DIDO1: variants seen among roughly 807,000 people sequenced by gnomAD.
DIDO1 encodes death inducer-obliterator 1, also known as death-inducer obliterator 1.
Under a neutral mutation model 99.4 loss-of-function variants are expected in DIDO1, and 16 were observed. That is an observed-to-expected ratio of 0.16 (90% CI 0.11 to 0.24). The LOEUF is 0.24. Ranked by LOEUF, DIDO1 falls within the 10% of genes least tolerant of loss-of-function variation. The pLI, the probability that DIDO1 is intolerant of heterozygous loss-of-function variation, is 1.00. For synonymous variants in DIDO1, 1,366 were observed against 1,239.1 expected, an observed-to-expected ratio of 1.10 and a Z score of -2.15; for missense variants, 2,996 against 3,014.0, an observed-to-expected ratio of 0.99 and a Z score of 0.14.
rs982716289 is a variant in DIDO1 at position 62,879,389 on chromosome 20, C to T, written c.6567G>A (p.Arg2189=). 18 of 1,544,218 alleles carry T rather than the reference C, an allele frequency of 1.2e-5. No homozygotes were observed. The highest frequency in any genetic ancestry group is 1.5e-5 in the Non-Finnish European group (17 of 1,147,624). The part of the protein sequence containing the change: ...RERERDRRRD[R]DRSRSRERDR... ...CCCGCTCTCTGCTCCGGGACCGGTC[C>T]CGGTCGCGCCTCCGGTCTCGCTCGC... The change falls in exon 16 of 16, where the codon CGG becomes CGA. Residue 2189 remains arginine (R), a synonymous_variant. Transcript: ENST00000395343. This position sits in a 1 kb window ranked among gnomAD's most constrained non-coding sequence, Gnocchi z 6.3.
intron 1 of DIDO1, among the ~76,000 whole-genome samples, chr20:62,922,101 TATATATATAC>T (rs373827570): frequency 0.24 from 30,499 of 125,042 alleles, 3,382 homozygotes; most frequent in East Asian, 0.38. Context: ...ATATACACAC[TATATATATAC>T]ACACACACAC....
Position 62,895,500 on chromosome 20 carries a change from T to C in DIDO1, c.2215-335A>G, listed in dbSNP as rs73918859. On this transcript the variant is annotated intron_variant, in intron 8 of 15. Coordinates refer to ENST00000395343, the MANE Select transcript of DIDO1 (RefSeq NM_001193369.2). ...CACAACACCTCAGGAAAAACAATTA[T>C]GTACACAAGGTGGACACAAGTCAAA... is the stretch of plus-strand genomic sequence containing the variant. 2.6e-3 allele frequency among the ~76,000 whole-genome samples: 392 copies of C among 152,256 alleles called. 1 individual carries two copies. The highest frequency in any genetic ancestry group is 9.0e-3 in the African/African-American group (373 of 41,564).
chr20:62,895,081 G>A lies in DIDO1; in HGVS notation c.2299C>T (p.Leu767Phe), dbSNP rs1226529998. ...LKPEELVSKE[L>F]STWKERPARS... ...GCTGGCCTCTCTTTCCACGTGGAAAGCTCTTTAGATACAAGTTCTTCTGGC... is the reference window on the plus strand; with the variant it reads ...GCTGGCCTCTCTTTCCACGTGGAAAACTCTTTAGATACAAGTTCTTCTGGC... Residue 767 changes from leucine to phenylalanine, a missense_variant, in exon 9 of 16, where the codon CTT (leucine) becomes TTT (phenylalanine). This residue lies in a region of DIDO1 where 898 missense variants were observed against 972.7 expected (regional missense o/e 0.92). Coordinates refer to ENST00000395343, the MANE Select transcript of DIDO1 (RefSeq NM_001193369.2). 6.2e-7 allele frequency: 1 copy of A among 1,611,570 alleles called. No individual in the cohort carries two copies. The highest frequency in any genetic ancestry group is 2.2e-5 in the East Asian group (1 of 44,806).
intron 1 of DIDO1, among the ~76,000 whole-genome samples, chr20:62,918,420 C>T (rs1027598878): frequency 1.3e-5 from 2 of 152,234 alleles, no homozygotes; most frequent in Admixed American, 1.3e-4. Context: ...CTGGCGTGAG[C>T]CACAGTGCCC....
At chr20:62,925,773 G>A (rs1266406189) in intron 1 of DIDO1, among the ~76,000 whole-genome samples, 2 of 152,210 alleles carry the variant, frequency 1.3e-5, no homozygotes, top group Non-Finnish European at 2.9e-5. Context: ...GTCACTGGAA[G>A]GCAAAATGTG....
At chr20:62,935,271 T>C (rs757886323) in intron 1 of DIDO1, among the ~76,000 whole-genome samples, 2 of 152,196 alleles carry the variant, frequency 1.3e-5, no homozygotes, top group Non-Finnish European at 2.9e-5. Context: ...TTTTTGCTAG[T>C]ATTGCTTCCA....
intron 1 of DIDO1, among the ~76,000 whole-genome samples, chr20:62,918,589 A>G (rs1489545800): frequency 1.3e-5 from 2 of 152,276 alleles, no homozygotes; most frequent in East Asian, 3.8e-4. Context: ...AAGCAAAAAG[A>G]TAAAACAAAA....
rs376483796 is a variant in DIDO1 at position 62,911,054 on chromosome 20, G to A, written c.559C>T (p.Arg187Cys). ...TERPLKGIQS[R>C]LRKKRREEGP... ...TCCTCCCGGCGCTTCTTCCGCAGGC[G>A]ACTCTGGATCCCTTTCAGGGGCCTC... Residue 187 changes from arginine (R) to cysteine (C), a missense_variant, in exon 3 of 16, where the codon CGC becomes TGC. By Grantham distance (180) the Arg-to-Cys change is radical (BLOSUM62 -3). Coordinates refer to ENST00000395343, the MANE Select transcript of DIDO1 (RefSeq NM_001193369.2). The surrounding 1 kb of genome is among the most constrained non-coding windows in gnomAD (Gnocchi z 7.0). 29 of 1,613,546 alleles carry A rather than the reference G, an allele frequency of 1.8e-5. No homozygotes were observed. Among genetic ancestry groups the A allele is most frequent in the East Asian group, 6.7e-5 (3 of 44,874 alleles).
chr20:62,920,970 T>A (rs1180512703), intron 1 of DIDO1, among the ~76,000 whole-genome samples: 1 of 152,248 alleles, frequency 6.6e-6, no homozygotes, highest in Non-Finnish European at 1.5e-5. Context: ...CTCAGCTCAC[T>A]GCAACCTCCG....
At chr20:62,926,048 G>A (rs1213406818) in intron 1 of DIDO1, among the ~76,000 whole-genome samples, 1 of 152,084 alleles carries the variant, frequency 6.6e-6, no homozygotes, top group African/African-American at 2.4e-5. Context: ...TTACAAGCCA[G>A]CTACGCAGCC....
intron 4 of DIDO1, among the ~76,000 whole-genome samples, chr20:62,909,216 G>A (rs1280844285): frequency 6.6e-6 from 1 of 152,254 alleles, no homozygotes; most frequent in South Asian, 2.1e-4. Flanking sequence ...GGACTGGAAT[G>A]GAGACTGCAA....
At position 62,901,129 on chromosome 20, in the gene DIDO1, G is replaced by T. The variant is rs187740861; in HGVS notation, c.1589-4133C>A. On this transcript the variant is annotated intron_variant, in intron 6 of 15. Coordinates refer to ENST00000395343, the MANE Select transcript of DIDO1 (RefSeq NM_001193369.2). ...AGTTACTAGTTTGCTTTCATGTTGC[G>T]GGGAAACAGTTACTTCCCAAATACA... Among the ~76,000 whole-genome samples, 7 of 152,282 alleles carry T rather than the reference G, an allele frequency of 4.6e-5. No individual in the cohort carries two copies. In the South Asian group the frequency reaches 1.4e-3, roughly 32 times the overall value.
intron 6 of DIDO1, chr20:62,905,213 G>A (rs1411421978): frequency 6.9e-5 from 80 of 1,153,684 alleles, no homozygotes; most frequent in Non-Finnish European, 7.8e-5. Context: ...TCCAAGGCAC[G>A]CGTCCTGCGG....
intron 1 of DIDO1, among the ~76,000 whole-genome samples, chr20:62,923,236 T>C (rs142183996): frequency 0.01 from 1,568 of 152,158 alleles, 14 homozygotes; most frequent in South Asian, 0.024. Flanking sequence ...AGTGCAGTGG[T>C]GCGGTCTCGG....
chr20:62,921,900 T>C (rs1237853988), intron 1 of DIDO1, among the ~76,000 whole-genome samples: 2 of 149,694 alleles, frequency 1.3e-5, no homozygotes, highest in Non-Finnish European at 3.0e-5. Context: ...ACTATATATA[T>C]ATCCACAATA....
chr20:62,896,777 G>A lies in DIDO1; in HGVS notation c.1808C>T (p.Thr603Ile), dbSNP rs765266566. 2.5e-5 allele frequency: 40 copies of A among 1,614,100 alleles called. 1 individual carries two copies. The highest frequency in any genetic ancestry group is 3.3e-5 in the Admixed American group (2 of 60,028). The change falls in exon 7 of 16, where the codon ACC becomes ATC. Residue 603 changes from threonine to isoleucine, a missense_variant. Thr to Ile is a moderately conservative substitution (Grantham distance 89). Around this residue, in one of 5 missense-constraint regions of DIDO1, gnomAD observed 898 missense variants for 972.7 expected, o/e 0.92. Coordinates refer to ENST00000395343, the MANE Select transcript of DIDO1 (RefSeq NM_001193369.2). This position sits in a 1 kb window ranked among gnomAD's most constrained non-coding sequence, Gnocchi z 4.4. ...TIPKRPWLSA[T>I]PSSGASAARQ... ...GGCAGCTGAAGCACCACTCGATGGG[G>A]TAGCGGAGAGCCATGGCCTCTTGGG... is the stretch of plus-strand genomic sequence containing the variant.
intron 15 of DIDO1, among the ~76,000 whole-genome samples, chr20:62,883,546 G>A (rs553437431): frequency 3.3e-4 from 50 of 151,020 alleles, no homozygotes; most frequent in Non-Finnish European, 6.9e-4. Context: ...CAAAAATTGG[G>A]CCGGGTACGG....
In DIDO1 at chr20:62,879,698, C is replaced by A; in HGVS notation, c.6258G>T (p.Arg2086Ser). The part of the protein sequence containing the change: ...HEYRNQTFEG[R>S]QRERFDVGPK... The stretch of plus-strand genomic sequence containing the variant: ...GCCCCACGTCAAACCGCTCTCTCTG[C>A]CTCCCTTCGAAAGTCTGGTTTCTGT... The change falls in exon 16 of 16, where the codon AGG (arginine) becomes AGT (serine). Residue 2086 changes from arginine (R) to serine (S), a missense_variant. Physicochemically the swap from Arg to Ser is moderately radical, Grantham distance 110 (BLOSUM62 -1). This residue lies in a region of DIDO1 where 1,562 missense variants were observed against 1,412.6 expected (regional missense o/e 1.11). Transcript: ENST00000395343. This position sits in a 1 kb window ranked among gnomAD's most constrained non-coding sequence, Gnocchi z 6.3. 1 of 1,611,112 alleles carries A rather than the reference C, an allele frequency of 6.2e-7. No homozygotes were observed. Among genetic ancestry groups the A allele is most frequent in the Non-Finnish European group, 8.5e-7 (1 of 1,179,822 alleles).
intron 6 of DIDO1, among the ~76,000 whole-genome samples, chr20:62,902,253 T>TA (rs2064699898): frequency 6.6e-6 from 1 of 152,176 alleles, no homozygotes; most frequent in East Asian, 1.9e-4. Context: ...TTTAAGTTTA[T>TA]AAAAAGTAAA....
Sources: gnomAD v4.1 joint callset for allele counts (sites outside exome capture counted in the v4.1 genomes callset) on GRCh38, gnomAD v4.1.1 for gene constraint, gnomAD v4.1.1 regional missense constraint, Gnocchi (gnomAD v3.1) non-coding constraint, MANE v1.5 for transcripts, NCBI Gene and HGNC (gene_info 2026-07-23, HGNC 2026-07-21) for gene names.